Variants in CABCOCO1 observed in about 807,000 individuals in gnomAD.
The protein encoded by CABCOCO1 is ciliary associated calcium binding coiled-coil 1.
A neutral mutation model predicts 35.7 loss-of-function variants in CABCOCO1; 28 were observed. The observed-to-expected ratio is 0.78, with a 90% CI of 0.58 to 1.07. The LOEUF (loss-of-function observed/expected upper bound fraction) is 1.07. Ranked by LOEUF, CABCOCO1 falls within the 50% of genes least tolerant of loss-of-function variation. The pLI is 0.00. For missense variants in CABCOCO1, 326 were observed against 309.2 expected, an observed-to-expected ratio of 1.05 and a Z score of -0.41; for synonymous variants, 95 against 100.1, an observed-to-expected ratio of 0.95 and a Z score of 0.30.
chr10:61,726,023 G>C (rs1188802015), intron 5 of CABCOCO1, among the ~76,000 whole-genome samples: 3 of 152,176 alleles, frequency 2.0e-5, no homozygotes, highest in South Asian at 2.1e-4. Context: ...CCCTGTGTGA[G>C]AGAAACTCTC....
At chr10:61,682,586 T>C (rs1403116939) in intron 3 of CABCOCO1, among the ~76,000 whole-genome samples, 1 of 152,210 alleles carries the variant, frequency 6.6e-6, no homozygotes, top group African/African-American at 2.4e-5. Context: ...TTTCTTATGA[T>C]GCTAAATTGG....
intron 5 of CABCOCO1, among the ~76,000 whole-genome samples, chr10:61,707,239 G>C (rs375727853): frequency 6.6e-6 from 1 of 152,132 alleles, no homozygotes; most frequent in Non-Finnish European, 1.5e-5. Flanking sequence ...TAAATAGCAA[G>C]TTAGGCAGGC....
intron 1 of CABCOCO1, among the ~76,000 whole-genome samples, chr10:61,668,555 C>T (rs1381921099): frequency 6.6e-6 from 1 of 151,898 alleles, no homozygotes; most frequent in East Asian, 1.9e-4. Flanking sequence ...CTTACATTTT[C>T]CCAGGAAATC....
chr10:61,700,259 C>T (rs950381901), intron 5 of CABCOCO1, among the ~76,000 whole-genome samples: 1 of 151,768 alleles, frequency 6.6e-6, no homozygotes, highest in African/African-American at 2.4e-5. Flanking sequence ...ACATCATAAA[C>T]AAATTTAAAA....
At chr10:61,670,553 A>G (rs1188920143) in intron 1 of CABCOCO1, among the ~76,000 whole-genome samples, 1 of 152,212 alleles carries the variant, frequency 6.6e-6, no homozygotes. Flanking sequence ...AATAAGTGGT[A>G]GGTTTGAGAT....
intron 5 of CABCOCO1, among the ~76,000 whole-genome samples, chr10:61,696,877 G>A (rs936734830): frequency 6.6e-6 from 1 of 151,748 alleles, no homozygotes; most frequent in African/African-American, 2.4e-5. Flanking sequence ...CGGAAACATG[G>A]GCAAAGAATA....
chr10:61,736,880 G>C (rs546768742), intron 5 of CABCOCO1, among the ~76,000 whole-genome samples: 1 of 152,180 alleles, frequency 6.6e-6, no homozygotes, highest in Admixed American at 6.5e-5. Flanking sequence ...TGTTTGCCTA[G>C]GTATTTTATT....
At chr10:61,744,196 C>T (rs1481811252) in intron 5 of CABCOCO1, among the ~76,000 whole-genome samples, 3 of 151,852 alleles carry the variant, frequency 2.0e-5, no homozygotes, top group East Asian at 3.8e-4. Context: ...TAACTTTTGA[C>T]GATACACAGG....
chr10:61,700,717 G>A (rs1161688766), intron 5 of CABCOCO1, among the ~76,000 whole-genome samples: 2 of 151,926 alleles, frequency 1.3e-5, no homozygotes, highest in Non-Finnish European at 2.9e-5. Flanking sequence ...ATTATAATGG[G>A]AAAAAACTGT....
At chr10:61,734,389 T>C (rs1174929238) in intron 5 of CABCOCO1, among the ~76,000 whole-genome samples, 2 of 152,044 alleles carry the variant, frequency 1.3e-5, no homozygotes, top group African/African-American at 2.4e-5. Context: ...TTTTCTAATT[T>C]GCGACTGCCA....
intron 5 of CABCOCO1, among the ~76,000 whole-genome samples, chr10:61,714,594 T>A (rs1200954012): frequency 6.6e-6 from 1 of 152,222 alleles, no homozygotes; most frequent in Non-Finnish European, 1.5e-5. Context: ...GTTATTTCAA[T>A]TGTGATGTTA....
At chr10:61,692,926 G>T (rs996284678) in intron 5 of CABCOCO1, among the ~76,000 whole-genome samples, 57 of 152,198 alleles carry the variant, frequency 3.7e-4, no homozygotes, top group African/African-American at 1.3e-3. Flanking sequence ...AAAACTTTGG[G>T]AAAATGATAG....
chr10:61,721,253 T>C (rs951740912), intron 5 of CABCOCO1, among the ~76,000 whole-genome samples: 28 of 152,086 alleles, frequency 1.8e-4, no homozygotes, highest in African/African-American at 6.8e-4. Flanking sequence ...AGGAGTCTTA[T>C]ACTTCCCTGC....
Position 61,714,037 on chromosome 10 carries a change from G to T in CABCOCO1, c.552+23416G>T, listed in dbSNP as rs540183254. Among the ~76,000 whole-genome samples, 299 of 152,230 alleles carry T rather than the reference G, an allele frequency of 2.0e-3. 3 individuals carry two copies. Among genetic ancestry groups the T allele is most frequent in the African/African-American group, 6.8e-3 (283 of 41,540 alleles). On this transcript the variant is annotated intron_variant, in intron 5 of 7. Transcript: ENST00000648843. ...ATGTTGGCCTCATAAAATGAGTTAG[G>T]GAGGATTCCCTCTTTTTCTATTGAT...
At chr10:61,673,745 C>T (rs1839430269) in intron 2 of CABCOCO1, among the ~76,000 whole-genome samples, 1 of 152,224 alleles carries the variant, frequency 6.6e-6, no homozygotes, top group Non-Finnish European at 1.5e-5. Context: ...AATTGATTAT[C>T]TGTGATCAGC....
intron 5 of CABCOCO1, among the ~76,000 whole-genome samples, chr10:61,708,494 A>G (rs1235767830): frequency 6.6e-6 from 1 of 152,078 alleles, no homozygotes; most frequent in Admixed American, 6.6e-5. Flanking sequence ...AGTTCTAGAG[A>G]CTGGTAAATC....
chr10:61,688,897 C>T (rs1007974737), intron 4 of CABCOCO1, among the ~76,000 whole-genome samples: 1 of 152,204 alleles, frequency 6.6e-6, no homozygotes, highest in African/African-American at 2.4e-5. Context: ...ACCACCTAAT[C>T]GCTCCTGGTA....
At chr10:61,750,301 G>T (rs1841752658) in intron 5 of CABCOCO1, among the ~76,000 whole-genome samples, 1 of 152,228 alleles carries the variant, frequency 6.6e-6, no homozygotes, top group South Asian at 2.1e-4. Context: ...TGGGCCAGGG[G>T]TGCAGTGGCT....
At chr10:61,693,557 A>G (rs1387129630) in intron 5 of CABCOCO1, among the ~76,000 whole-genome samples, 1 of 152,154 alleles carries the variant, frequency 6.6e-6, no homozygotes, top group Admixed American at 6.6e-5. Context: ...GAAATAGAAT[A>G]TCACCATGTG....
Sources: allele counts gnomAD v4.1 joint callset (sites outside exome capture counted in the v4.1 genomes callset), GRCh38; gene constraint gnomAD v4.1.1; transcripts MANE v1.5; gene names NCBI Gene and HGNC (gene_info 2026-07-23, HGNC 2026-07-21).